SSH1: variants seen among roughly 807,000 people sequenced by gnomAD.
SSH1 encodes slingshot protein phosphatase 1, also known as protein phosphatase Slingshot homolog 1.
In SSH1, 43 loss-of-function variants were observed where a neutral mutation model predicts 79.7. The ratio of observed to expected loss-of-function variants is 0.54; its 90% CI spans 0.42 to 0.70. The LOEUF (loss-of-function observed/expected upper bound fraction) is 0.70, where lower values mean the gene tolerates loss of function less well. Among genes scored for constraint, SSH1 ranks in the 30% least tolerant of loss-of-function variants. The pLI is 0.00. For missense variants in SSH1, 1,206 were observed against 1,358.8 expected, an observed-to-expected ratio of 0.89 and a Z score of 1.77; for synonymous variants, 599 against 538.3, an observed-to-expected ratio of 1.11 and a Z score of -1.56.
intron 3 of SSH1, among the ~76,000 whole-genome samples, chr12:108,819,119 G>A (rs1049397981): frequency 2.0e-5 from 3 of 152,022 alleles, no homozygotes; most frequent in Non-Finnish European, 2.9e-5. Context: ...GGGGGCGGGG[G>A]GAAATGTTTA....
Position 108,792,715 on chromosome 12 carries a change from C to G in SSH1, c.1464G>C (p.Pro488=). The G allele has an allele frequency of 6.2e-7, 1 of 1,613,590 alleles. No individual in the cohort carries two copies. Among genetic ancestry groups the G allele is most frequent in the Non-Finnish European group, 8.5e-7 (1 of 1,180,034 alleles). ...CATCCAAGAAGGGCAGCTGGCTTTC[C>G]GGGGTGCCATCTGGGGTCTCTGGCA... ...DFLPETPDGT[P]ESQLPFLDDA... Residue 488 remains proline (P), a synonymous_variant, in exon 14 of 15, where the codon CCG becomes CCC. Transcript: ENST00000326495.
chr12:108,828,015 A>ATCCAGGTGTGTG (rs2038372900), intron 2 of SSH1, among the ~76,000 whole-genome samples: 1 of 152,160 alleles, frequency 6.6e-6, no homozygotes, highest in Non-Finnish European at 1.5e-5. Flanking sequence ...GTGATCCCAA[A>ATCCAGGTGTGTG]CCCTCCAGGC....
Position 108,789,141 on chromosome 12 carries a change from T to C in SSH1, c.1997A>G (p.Glu666Gly), listed in dbSNP as rs755657668. 2 of 1,613,542 alleles carry C rather than the reference T, an allele frequency of 1.2e-6. No individual in the cohort carries two copies. Among genetic ancestry groups the C allele is most frequent in the Non-Finnish European group, 1.7e-6 (2 of 1,179,740 alleles). The change falls in exon 15 of 15, where the codon GAG (glutamate) becomes GGG (glycine). Residue 666 changes from glutamate to glycine, a missense_variant. Transcript: ENST00000326495. Reference protein sequence around the residue: ...TASGAPEASRERCEDPNAPAI... With the variant: ...TASGAPEASRGRCEDPNAPAI... ...GGGAGCATTGGGGTCCTCACATCGC[T>C]CCCTGGAGGCCTCAGGAGCCCCGCT...
chr12:108,807,348 C>A lies in SSH1; in HGVS notation c.731+285G>T, dbSNP rs931591569. ...GGAGTTGGGGACACAAAGGGCCACA[C>A]ATTCCTTTGAGAGTCTGATGGGAGT... is the stretch of plus-strand genomic sequence containing the variant. On this transcript the variant is annotated intron_variant, in intron 8 of 14. Coordinates refer to ENST00000326495, the MANE Select transcript of SSH1 (RefSeq NM_018984.4). This position sits in a 1 kb window ranked among gnomAD's most constrained non-coding sequence, Gnocchi z 5.2. 7.2e-5 allele frequency among the ~76,000 whole-genome samples: 11 copies of A among 152,162 alleles called. No individual in the cohort carries two copies. The highest frequency in any genetic ancestry group is 2.2e-4 in the African/African-American group (9 of 41,520).
chr12:108,848,381 G>C (rs1188044366), intron 2 of SSH1, among the ~76,000 whole-genome samples: 1 of 152,082 alleles, frequency 6.6e-6, no homozygotes, highest in African/African-American at 2.4e-5. Context: ...CTAGACGGAG[G>C]GGAGAAAAGA....
Position 108,787,246 on chromosome 12 carries a change from A to G in SSH1, c.*742T>C, listed in dbSNP as rs2036303521. Reference sequence around the variant, plus strand: ...TCAGCATTAGCAACAACTGAGAACAACCCATACATTTTCCCCACCGGACCC... The same window carrying G: ...TCAGCATTAGCAACAACTGAGAACAGCCCATACATTTTCCCCACCGGACCC... On this transcript the variant is annotated 3_prime_UTR_variant, in exon 15 of 15. Transcript: ENST00000326495. The G allele has an allele frequency of 6.6e-6, 1 of 152,034 alleles. No individual in the cohort carries two copies. 9.4% of individuals were successfully genotyped at this position (152,034 alleles called of 1,614,324 possible). A position where few individuals can be genotyped will look rare whatever the true frequency, so the allele number is the denominator to read the frequency against.
intron 2 of SSH1, chr12:108,827,470 C>A (rs545381711): frequency 2.3e-4 from 299 of 1,297,454 alleles, no homozygotes; most frequent in Non-Finnish European, 2.8e-4. Context: ...GGCTGGGGAG[C>A]CAACTCCTCC....
chr12:108,824,660 T>G (rs2038246629), intron 2 of SSH1, among the ~76,000 whole-genome samples: 1 of 152,026 alleles, frequency 6.6e-6, no homozygotes, highest in African/African-American at 2.4e-5. Context: ...AAAATTACAA[T>G]TAAAAAATGT....
At position 108,836,011 on chromosome 12, in the gene SSH1, A is replaced by ATT. The variant is rs1276521253; in HGVS notation, c.111-12651_111-12650insAA. ...TAACTATATTAATATAATCGATTAT[A>ATT]ACTATATTAATATAATCGATTATAT... is the stretch of plus-strand genomic sequence containing the variant. On this transcript the variant is annotated intron_variant, in intron 2 of 14. Transcript: ENST00000326495. Among the ~76,000 whole-genome samples the ATT allele has an allele frequency of 1.9e-3, 269 of 145,272 alleles. 1 individual carries two copies. Among genetic ancestry groups the ATT allele is most frequent in the Middle Eastern group, 3.7e-3 (1 of 268 alleles).
intron 1 of SSH1, 56 bp from the exon 2 acceptor site, chr12:108,852,734 G>C: frequency 1.9e-6 from 3 of 1,612,564 alleles, no homozygotes; most frequent in Non-Finnish European, 2.5e-6. Context: ...ACACGCCTCG[G>C]GCGGCAGTCT....
At chr12:108,840,393 C>A (rs978640653) in intron 2 of SSH1, among the ~76,000 whole-genome samples, 1 of 152,062 alleles carries the variant, frequency 6.6e-6, no homozygotes, top group African/African-American at 2.4e-5. Context: ...ATTCGCCAGG[C>A]ATGGTGGTAC....
chr12:108,812,311 G>T (rs2037652378), intron 5 of SSH1, among the ~76,000 whole-genome samples: 1 of 152,240 alleles, frequency 6.6e-6, no homozygotes, highest in Admixed American at 6.5e-5. Flanking sequence ...GGACCACGTG[G>T]CTGTGTCAGC....
chr12:108,845,747 C>T (rs1048584310), intron 2 of SSH1, among the ~76,000 whole-genome samples: 8 of 152,206 alleles, frequency 5.3e-5, no homozygotes, highest in Non-Finnish European at 7.3e-5. Context: ...ACTTGTCATG[C>T]AGCAGGCAAT....
At chr12:108,834,582 T>C (rs1458304645) in intron 2 of SSH1, among the ~76,000 whole-genome samples, 3 of 152,176 alleles carry the variant, frequency 2.0e-5, no homozygotes, top group Admixed American at 2.0e-4. Context: ...TGCTTAAGCA[T>C]CCATGGATTT....
At chr12:108,810,218 T>A (rs2037509825) in intron 6 of SSH1, among the ~76,000 whole-genome samples, 1 of 151,132 alleles carries the variant, frequency 6.6e-6, no homozygotes, top group East Asian at 1.9e-4. Context: ...AATACTAATA[T>A]AAAATATAAA....
intron 2 of SSH1, among the ~76,000 whole-genome samples, chr12:108,846,859 G>A (rs1227270783): frequency 6.6e-6 from 1 of 151,748 alleles, no homozygotes; most frequent in African/African-American, 2.4e-5. Flanking sequence ...TGAAGACCGA[G>A]CACAGCAACC....
At chr12:108,829,133 G>A (rs1180844722) in intron 2 of SSH1, among the ~76,000 whole-genome samples, 1 of 152,112 alleles carries the variant, frequency 6.6e-6, no homozygotes, top group Non-Finnish European at 1.5e-5. Context: ...TTCGAGACTA[G>A]CATGGTCAAC....
At chr12:108,845,652 A>T (rs574859657) in intron 2 of SSH1, among the ~76,000 whole-genome samples, 33 of 152,210 alleles carry the variant, frequency 2.2e-4, no homozygotes, top group Non-Finnish European at 4.6e-4. Flanking sequence ...GCGCCATTGC[A>T]CTCTAGCCTG....
intron 2 of SSH1, chr12:108,836,843 A>C (rs2038643025): frequency 2.0e-6 from 1 of 509,402 alleles, no homozygotes. Context: ...GTGATGTTCC[A>C]GCCAAATACA....
Sources: allele counts gnomAD v4.1 joint callset (sites outside exome capture counted in the v4.1 genomes callset), GRCh38; gene constraint gnomAD v4.1.1; non-coding constraint Gnocchi (gnomAD v3.1); transcripts MANE v1.5; gene names NCBI Gene and HGNC (gene_info 2026-07-23, HGNC 2026-07-21).